Variants in IFT122 observed in about 807,000 individuals in gnomAD.
IFT122 encodes intraflagellar transport protein 122 homolog.
A neutral mutation model predicts 161.6 loss-of-function variants in IFT122; 118 were observed. The observed-to-expected ratio is 0.73, with a 90% confidence interval of 0.63 to 0.85. The LOEUF is 0.85. IFT122 is among the 40% of genes least tolerant of loss of function. The pLI is 0.00. For missense variants in IFT122, 1,381 were observed against 1,579.6 expected (o/e 0.87, Z 2.13); for synonymous variants, 550 against 602.4 (o/e 0.91, Z 1.27).
chr3:129,447,661 C>T (rs544764156), intron 1 of IFT122, among the ~76,000 whole-genome samples: 8 of 152,166 alleles, frequency 5.3e-5, no homozygotes, highest in African/African-American at 1.7e-4. Context: ...TACAGGCGCC[C>T]GCCACCACAC....
At chr3:129,456,762 A>C (rs2075542640) in intron 3 of IFT122, among the ~76,000 whole-genome samples, 1 of 151,554 alleles carries the variant, frequency 6.6e-6, no homozygotes, top group South Asian at 2.1e-4. Flanking sequence ...TAAAAATACA[A>C]AAAATTAGCC....
chr3:129,504,683 A>C (rs546629740), intron 21 of IFT122, among the ~76,000 whole-genome samples: 2 of 152,336 alleles, frequency 1.3e-5, no homozygotes, highest in African/African-American at 4.8e-5. Flanking sequence ...GTGGTTACTG[A>C]GCAAAGTGCT....
intron 19 of IFT122, among the ~76,000 whole-genome samples, chr3:129,502,027 C>T (rs906335588): frequency 3.3e-5 from 5 of 152,148 alleles, no homozygotes; most frequent in Admixed American, 1.3e-4. Context: ...CTATCCAGGC[C>T]TCATGTCCCC....
At chr3:129,440,604 G>A (rs2072877038) in intron 1 of IFT122, among the ~76,000 whole-genome samples, 1 of 152,154 alleles carries the variant, frequency 6.6e-6, no homozygotes, top group African/African-American at 2.4e-5. Flanking sequence ...GCGGGTGGAG[G>A]CGGCTCTTCC....
chr3:129,493,631 C>T (rs535532682), intron 17 of IFT122, among the ~76,000 whole-genome samples: 13 of 152,328 alleles, frequency 8.5e-5, no homozygotes, highest in East Asian at 1.9e-4. Flanking sequence ...CCTCCCTACC[C>T]GCGTGTTGTA....
chr3:129,509,657 G>C (rs553252573), intron 23 of IFT122, among the ~76,000 whole-genome samples: 2 of 152,328 alleles, frequency 1.3e-5, no homozygotes, highest in Admixed American at 1.3e-4. Flanking sequence ...CCGTTGAAAT[G>C]ATGTATAACA....
At chr3:129,514,226 C>A in intron 24 of IFT122, 163 bp from the exon 25 acceptor site, 2 of 768,790 alleles carry the variant, frequency 2.6e-6, no homozygotes, top group Non-Finnish European at 4.5e-6. Flanking sequence ...CCGAGAAGTA[C>A]ACTCACCTCT....
At chr3:129,515,945 A>T (rs2083440089) in intron 26 of IFT122, among the ~76,000 whole-genome samples, 1 of 152,084 alleles carries the variant, frequency 6.6e-6, no homozygotes, top group Non-Finnish European at 1.5e-5. Flanking sequence ...TTGACAGAGG[A>T]TCAGAAGCCC....
chr3:129,484,741 G>A (rs1200546264), intron 15 of IFT122, among the ~76,000 whole-genome samples: 1 of 152,172 alleles, frequency 6.6e-6, no homozygotes, highest in African/African-American at 2.4e-5. Context: ...ATCTCCTAAA[G>A]CATCGTTCTG....
At chr3:129,484,026 T>G (rs1157031597) in intron 15 of IFT122, 6 of 387,848 alleles carry the variant, frequency 1.5e-5, no homozygotes, top group Non-Finnish European at 3.0e-5. Flanking sequence ...TCCGGCAGGG[T>G]GTGTGTGTGA....
Position 129,511,369 on chromosome 3 carries a change from A to G in IFT122, c.2887-943A>G, listed in dbSNP as rs143741430. ...CTAAATAGAAAATGCTAAGCTCTGA[A>G]CTGAAGAAGTGTAGAGCAAAGTGAG... On this transcript the variant is annotated intron_variant, in intron 23 of 29. Coordinates refer to ENST00000348417, the MANE Select transcript of IFT122 (RefSeq NM_052989.3). Among the ~76,000 whole-genome samples the G allele has an allele frequency of 1.2e-3, 177 of 152,348 alleles. 1 individual carries two copies. The highest frequency in any genetic ancestry group is 3.1e-3 in the East Asian group (16 of 5,190).
intron 14 of IFT122, among the ~76,000 whole-genome samples, chr3:129,482,635 G>T (rs1316536642): frequency 6.6e-6 from 1 of 152,164 alleles, no homozygotes; most frequent in Non-Finnish European, 1.5e-5. Flanking sequence ...ACTCACTCAT[G>T]TCCTTGAGAG....
At chr3:129,488,771 G>A (rs1234626389) in intron 16 of IFT122, among the ~76,000 whole-genome samples, 12 of 151,992 alleles carry the variant, frequency 7.9e-5, no homozygotes, top group African/African-American at 2.7e-4. Context: ...CGTAAATGGC[G>A]GCTTTTATTA....
intron 19 of IFT122, among the ~76,000 whole-genome samples, chr3:129,501,023 G>T (rs758425282): frequency 1.3e-5 from 2 of 152,106 alleles, no homozygotes; most frequent in Non-Finnish European, 2.9e-5. Flanking sequence ...TGTCAGGCTG[G>T]CTTTGCTCTG....
At position 129,519,582 on chromosome 3, in the gene IFT122, G is replaced by A. The variant is rs541844030; in HGVS notation, c.3486G>A (p.Glu1162=). 6.2e-7 allele frequency: 1 copy of A among 1,613,578 alleles called. No homozygotes were observed. The change falls in exon 29 of 30, where the codon GAG becomes GAA. Residue 1162 remains glutamate (E), a synonymous_variant. Coordinates refer to ENST00000348417, the MANE Select transcript of IFT122 (RefSeq NM_052989.3). ...AKLSFEQGGS[E]FVPVVVSRLV... is the part of the protein sequence containing the mutation. ...CCACCCTGCAGCAAGGTGGCTCAGA[G>A]TTCGTGCCAGTGGTGGTGAGCCGGC...
At chr3:129,514,741 C>T in intron 25 of IFT122, 187 bp downstream of exon 25, 1 of 727,800 alleles carries the variant, frequency 1.4e-6, no homozygotes, top group South Asian at 1.6e-5. Flanking sequence ...GTTCTCCCCG[C>T]AGTCCACCTG....
rs147162880 is a variant in IFT122 at position 129,496,874 on chromosome 3, A to T, written c.2208+1267A>T. On this transcript the variant is annotated intron_variant, in intron 18 of 29. Transcript: ENST00000348417. ...AGTCAGTGCATCTCTGCTTCCGGGG[A>T]TAACAAAATTTTAACTCAGGATGAA... Among the ~76,000 whole-genome samples the T allele has an allele frequency of 2.1e-4, 32 of 152,296 alleles. No individual in the cohort carries two copies. In the East Asian group the frequency reaches 6.0e-3, roughly 28 times the overall value.
intron 12 of IFT122, 65 bp from the exon 13 acceptor site, chr3:129,479,717 TCTC>T: frequency 6.3e-7 from 1 of 1,592,316 alleles, no homozygotes; most frequent in African/African-American, 1.3e-5. Flanking sequence ...GACAGAAAGA[TCTC>T]CTTGGGGAGG....
chr3:129,489,248 C>T (rs2079727642), intron 16 of IFT122, among the ~76,000 whole-genome samples: 1 of 152,142 alleles, frequency 6.6e-6, no homozygotes, highest in South Asian at 2.1e-4. Context: ...CTGGACCAGA[C>T]CAGGACTAAG....
Sources: gnomAD v4.1 joint callset for allele counts (sites outside exome capture counted in the v4.1 genomes callset) on GRCh38, gnomAD v4.1.1 for gene constraint, MANE v1.5 for transcripts, NCBI Gene and HGNC (gene_info 2026-07-23, HGNC 2026-07-21) for gene names.